COL8A1: variants seen among roughly 807,000 people sequenced by gnomAD.
COL8A1 encodes collagen alpha-1(VIII) chain.
A neutral mutation model predicts 42.7 loss-of-function variants in COL8A1; 21 were observed. The observed-to-expected ratio is 0.49, with a 90% CI of 0.35 to 0.71. The LOEUF (loss-of-function observed/expected upper bound fraction) is 0.71, where lower values mean the gene tolerates loss of function less well. Ranked by LOEUF, COL8A1 falls within the 30% of genes least tolerant of loss-of-function variation. The probability of loss-of-function intolerance (pLI) is 0.01; values close to 1 mark genes in which losing one functional copy is unlikely to be tolerated. For synonymous variants in COL8A1, 367 were observed against 369.1 expected (o/e 0.99, Z 0.06); for missense variants, 788 against 962.4 (o/e 0.82, Z 2.40).
At chr3:99,779,060 G>C (rs1160664387) in intron 2 of COL8A1, among the ~76,000 whole-genome samples, 1 of 152,088 alleles carries the variant, frequency 6.6e-6, no homozygotes, top group Non-Finnish European at 1.5e-5. Context: ...CTTCACTTAG[G>C]GGGAAATTAA....
intron 1 of COL8A1, among the ~76,000 whole-genome samples, chr3:99,649,792 C>A (rs184124635): frequency 6.6e-6 from 1 of 152,038 alleles, no homozygotes; most frequent in Admixed American, 6.6e-5. Context: ...CTCTGTCACA[C>A]ACACACACAC....
intron 1 of COL8A1, among the ~76,000 whole-genome samples, chr3:99,743,996 T>C (rs1940963199): frequency 6.6e-6 from 1 of 151,790 alleles, no homozygotes; most frequent in Non-Finnish European, 1.5e-5. Flanking sequence ...TGGCGCGATC[T>C]CGGCTCACCG....
intron 1 of COL8A1, among the ~76,000 whole-genome samples, chr3:99,656,494 G>GAA (rs764532246): frequency 1.1e-5 from 1 of 92,820 alleles, no homozygotes; most frequent in African/African-American, 4.0e-5. Context: ...TGTATAAGAA[G>GAA]AAAAAAAAAA....
At chr3:99,730,638 T>G (rs1940477454) in intron 1 of COL8A1, among the ~76,000 whole-genome samples, 1 of 152,132 alleles carries the variant, frequency 6.6e-6, no homozygotes, top group Non-Finnish European at 1.5e-5. Context: ...GAAAGTCTTT[T>G]TATTAAGACT....
chr3:99,738,999 C>T (rs767467871), intron 1 of COL8A1, among the ~76,000 whole-genome samples: 11 of 152,090 alleles, frequency 7.2e-5, no homozygotes, highest in South Asian at 2.1e-4. Flanking sequence ...AGGTGCTGTC[C>T]GTCACCCCTT....
At chr3:99,667,437 T>C (rs1014674013) in intron 1 of COL8A1, among the ~76,000 whole-genome samples, 1 of 152,140 alleles carries the variant, frequency 6.6e-6, no homozygotes, top group Non-Finnish European at 1.5e-5. Context: ...TGGGGTTTTG[T>C]TGTTGTTGTG....
intron 2 of COL8A1, among the ~76,000 whole-genome samples, chr3:99,755,065 A>G (rs964931140): frequency 2.0e-5 from 3 of 152,236 alleles, no homozygotes; most frequent in Non-Finnish European, 4.4e-5. Flanking sequence ...GCACATATTT[A>G]GTCACCAAAG....
chr3:99,733,534 A>C (rs1253828828), intron 1 of COL8A1, among the ~76,000 whole-genome samples: 1 of 151,730 alleles, frequency 6.6e-6, no homozygotes, highest in Non-Finnish European at 1.5e-5. Flanking sequence ...ACATTTTCTT[A>C]ATCCAGTCTA....
At chr3:99,792,483 T>G (rs1354469343) in intron 3 of COL8A1, among the ~76,000 whole-genome samples, 1 of 152,210 alleles carries the variant, frequency 6.6e-6, no homozygotes, top group Non-Finnish European at 1.5e-5. Flanking sequence ...GTTGTGTTCA[T>G]CTGAAAGGCA....
At chr3:99,664,899 G>A (rs540170943) in intron 1 of COL8A1, among the ~76,000 whole-genome samples, 1 of 152,180 alleles carries the variant, frequency 6.6e-6, no homozygotes, top group Non-Finnish European at 1.5e-5. Context: ...AAGGGGAGGA[G>A]TGCGCCTCTC....
intron 1 of COL8A1, among the ~76,000 whole-genome samples, chr3:99,681,993 C>T (rs1170292877): frequency 1.3e-5 from 2 of 152,188 alleles, no homozygotes; most frequent in African/African-American, 4.8e-5. Flanking sequence ...CTCTGCTGCC[C>T]TGAGTCTCAC....
At chr3:99,666,364 C>T (rs1308062020) in intron 1 of COL8A1, among the ~76,000 whole-genome samples, 2 of 152,216 alleles carry the variant, frequency 1.3e-5, no homozygotes, top group Non-Finnish European at 2.9e-5. Flanking sequence ...GTCTCAGCTC[C>T]TGGCATCGAA....
intron 1 of COL8A1, among the ~76,000 whole-genome samples, chr3:99,733,023 T>C: frequency 6.6e-6 from 1 of 151,838 alleles, no homozygotes; most frequent in Non-Finnish European, 1.5e-5. Flanking sequence ...ATGTCTCATA[T>C]CCGGGTCATG....
chr3:99,775,029 T>G (rs1941668515), intron 2 of COL8A1, among the ~76,000 whole-genome samples: 2 of 152,200 alleles, frequency 1.3e-5, no homozygotes, highest in Non-Finnish European at 2.9e-5. Context: ...CCTTGTTATG[T>G]TGGCACATTC....
intron 1 of COL8A1, among the ~76,000 whole-genome samples, chr3:99,694,008 C>T (rs1939297004): frequency 6.6e-6 from 1 of 152,206 alleles, no homozygotes; most frequent in Admixed American, 6.5e-5. Context: ...AGCACAGAAA[C>T]TTGCTGTACA....
At chr3:99,712,392 G>A (rs535202711) in intron 1 of COL8A1, among the ~76,000 whole-genome samples, 1 of 152,020 alleles carries the variant, frequency 6.6e-6, no homozygotes, top group African/African-American at 2.4e-5. Context: ...GCTTGGCAAG[G>A]CATGTTGGCC....
intron 1 of COL8A1, among the ~76,000 whole-genome samples, chr3:99,657,670 G>GT (rs1938066044): frequency 1.3e-5 from 2 of 152,172 alleles, no homozygotes; most frequent in African/African-American, 4.8e-5. Flanking sequence ...TCCTGATACA[G>GT]TAGAGGAGCT....
intron 1 of COL8A1, among the ~76,000 whole-genome samples, chr3:99,702,593 G>A (rs991092218): frequency 1.4e-4 from 21 of 152,150 alleles, no homozygotes; most frequent in African/African-American, 5.1e-4. Context: ...TCAACATGAT[G>A]ACAATGACAG....
At chr3:99,718,197 G>A (rs1348366240) in intron 1 of COL8A1, among the ~76,000 whole-genome samples, 1 of 151,988 alleles carries the variant, frequency 6.6e-6, no homozygotes, top group Non-Finnish European at 1.5e-5. Context: ...AGTCCACTGT[G>A]TATGATGTTA....
Sources: gnomAD v4.1 joint callset for allele counts (sites outside exome capture counted in the v4.1 genomes callset) on GRCh38, gnomAD v4.1.1 for gene constraint, MANE v1.5 for transcripts, NCBI Gene and HGNC (gene_info 2026-07-23, HGNC 2026-07-21) for gene names.